Variants in CGAS observed in about 807,000 individuals in gnomAD.
CGAS encodes 2'3'-cGAMP synthase.
Under a neutral mutation model 34.0 loss-of-function variants are expected in CGAS, and 31 were observed. The observed-to-expected ratio is 0.91, with a 90% CI of 0.69 to 1.23. The LOEUF (loss-of-function observed/expected upper bound fraction) is 1.23, where lower values mean the gene tolerates loss of function less well. Ranked by LOEUF, CGAS falls within the 50% of genes most tolerant of loss-of-function variation. The pLI is 0.00. For missense variants in CGAS, 597 were observed against 657.6 expected, an observed-to-expected ratio of 0.91 and a Z score of 1.01; for synonymous variants, 266 against 260.0, an observed-to-expected ratio of 1.02 and a Z score of -0.22.
chr6:73,451,466 A>C, intron 1 of CGAS, 59 bp downstream of exon 1: 1 of 1,493,698 alleles, frequency 6.7e-7, no homozygotes, highest in Non-Finnish European at 9.0e-7. Context: ...GAAGGTAGGG[A>C]CTGCGGATTG....
chr6:73,451,585 G>C lies in CGAS; in HGVS notation c.597C>G (p.Cys199Trp), dbSNP rs765184085. 3.9e-5 allele frequency: 63 copies of C among 1,612,818 alleles called. No individual in the cohort carries two copies. The highest frequency in any genetic ancestry group is 5.0e-5 in the Non-Finnish European group (59 of 1,179,578). The change falls in exon 1 of 5, where the codon TGC (cysteine) becomes TGG (tryptophan). Residue 199 changes from cysteine (C) to tryptophan (W), a missense_variant. Transcript: ENST00000370315. ...VVDHLLLRLK[C>W]DSAFRGVGLL... is the part of the protein sequence containing the mutation. ...GCCCGACGCCTCTGAACGCGGAGTC[G>C]CACTTCAGTCTGAGCAGCAGGTGGT...
chr6:73,450,579 G>T (rs1399006845), intron 1 of CGAS, among the ~76,000 whole-genome samples: 1 of 152,132 alleles, frequency 6.6e-6, no homozygotes, highest in Non-Finnish European at 1.5e-5. Context: ...TAATACACAC[G>T]TCGAAGCAAT....
In CGAS at chr6:73,424,614, A is replaced by G. The variant is rs1770054976; in HGVS notation, c.*613T>C. On this transcript the variant is annotated 3_prime_UTR_variant, in exon 5 of 5. Transcript: ENST00000370315. ...AAAGCAAACATGGTAATGTTTTTAG[A>G]TTTCAAATACTACTTTTGCTTCTTA... is the stretch of plus-strand genomic sequence containing the variant. 6.6e-6 allele frequency: 1 copy of G among 152,032 alleles called. No individual in the cohort carries two copies. Among genetic ancestry groups the G allele is most frequent in the African/African-American group, 2.4e-5 (1 of 41,384 alleles). 9.4% of individuals were successfully genotyped at this position (152,032 alleles called of 1,614,324 possible).
chr6:73,447,072 C>T (rs1480529609), intron 1 of CGAS, among the ~76,000 whole-genome samples: 1 of 152,156 alleles, frequency 6.6e-6, no homozygotes, highest in Admixed American at 6.6e-5. Context: ...TAAATGAATA[C>T]ATATTTTAAT....
chr6:73,431,874 C>T (rs1214539533), intron 3 of CGAS, among the ~76,000 whole-genome samples: 1 of 152,168 alleles, frequency 6.6e-6, no homozygotes, highest in East Asian at 1.9e-4. Flanking sequence ...CTCCCTCTAT[C>T]ACCCAGGCTG....
intron 3 of CGAS, among the ~76,000 whole-genome samples, chr6:73,435,681 A>G (rs944644072): frequency 9.2e-5 from 14 of 151,802 alleles, no homozygotes; most frequent in African/African-American, 2.4e-5. Context: ...GCTCATGCCT[A>G]TAATCCCAGC....
chr6:73,440,404 C>G lies in CGAS; in HGVS notation c.919G>C (p.Ala307Pro). The G allele has an allele frequency of 6.2e-7, 1 of 1,614,098 alleles. No individual in the cohort carries two copies. The highest frequency in any genetic ancestry group is 1.1e-5 in the South Asian group (1 of 91,068). The change falls in exon 3 of 5, where the codon GCT (alanine) becomes CCT (proline). Residue 307 changes from alanine (A) to proline (P), a missense_variant. Ala to Pro is a conservative substitution (Grantham distance 27, BLOSUM62 -1). Coordinates refer to ENST00000370315, the MANE Select transcript of CGAS (RefSeq NM_138441.3). The stretch of plus-strand genomic sequence containing the variant: ...TTTTCACTAATAAGAAGTGTTACAG[C>G]AGGGCTCCCTCCTCTTTTCCTCTTC... ...IMKRKRGGSP[A>P]VTLLISEKIS... is the part of the protein sequence containing the mutation.
chr6:73,452,054 G>T lies in CGAS; in HGVS notation c.128C>A (p.Ala43Asp), dbSNP rs752104616. The change falls in exon 1 of 5, where the codon GCC becomes GAC. Residue 43 changes from alanine to aspartate, a missense_variant. Transcript: ENST00000370315. ...GAACTTTCCCGCCTTAGGCAGGGCG[G>T]CCTCGGGGGCAGCCGGAGACTCGGT... ...DPTESPAAPE[A>D]ALPKAGKFGP... is the part of the protein sequence containing the mutation. 77 of 1,522,852 alleles carry T rather than the reference G, an allele frequency of 5.1e-5. No homozygotes were observed. The highest frequency in any genetic ancestry group is 6.7e-5 in the Non-Finnish European group (76 of 1,133,638). 94.3% of individuals were successfully genotyped at this position (1,522,852 alleles called of 1,614,324 possible). A position where few individuals can be genotyped will look rare whatever the true frequency, so the allele number is the denominator to read the frequency against.
intron 3 of CGAS, 88 bp downstream of exon 3, chr6:73,440,121 A>G: frequency 1.7e-6 from 2 of 1,192,984 alleles, no homozygotes; most frequent in East Asian, 2.5e-5. Flanking sequence ...TGACAACAGC[A>G]TTGGTTGGCT....
intron 2 of CGAS, among the ~76,000 whole-genome samples, chr6:73,440,927 A>C (rs1770367992): frequency 6.6e-6 from 1 of 151,800 alleles, no homozygotes; most frequent in South Asian, 2.1e-4. Context: ...ACAAAAAACA[A>C]AAAACACAAT....
chr6:73,437,267 G>A (rs1041081117), intron 3 of CGAS, among the ~76,000 whole-genome samples: 11 of 152,250 alleles, frequency 7.2e-5, no homozygotes, highest in African/African-American at 2.2e-4. Context: ...ATGAACAGAA[G>A]ATGTTTCTCT....
intron 4 of CGAS, among the ~76,000 whole-genome samples, chr6:73,426,349 GATAAA>G (rs146402507): frequency 5.8e-4 from 86 of 148,902 alleles, no homozygotes; most frequent in African/African-American, 1.5e-3. Context: ...GAAATGAAAT[GATAAA>G]ATAAAATAAA....
At chr6:73,444,216 C>A (rs1770430194) in intron 2 of CGAS, among the ~76,000 whole-genome samples, 1 of 152,026 alleles carries the variant, frequency 6.6e-6, no homozygotes, top group African/African-American at 2.4e-5. Flanking sequence ...TCTTGAACTC[C>A]TGACCTCGTG....
rs1032400321 is a variant in CGAS, at chr6:73,428,118, G to C, written c.1217+591C>G. On this transcript the variant is annotated intron_variant, in intron 4 of 4. Transcript: ENST00000370315. Reference sequence around the variant, plus strand: ...ATGCACCTGTAATCTCAGCTACTTGGGGGGCTGAGGTAGGATGATTGCTTG... The same window carrying C: ...ATGCACCTGTAATCTCAGCTACTTGCGGGGCTGAGGTAGGATGATTGCTTG... Among the ~76,000 whole-genome samples, 51 of 151,922 alleles carry C rather than the reference G, an allele frequency of 3.4e-4. 1 individual carries two copies. The highest frequency in any genetic ancestry group is 3.4e-3 in the Middle Eastern group (1 of 294).
At chr6:73,431,490 C>T (rs1770195529) in intron 3 of CGAS, among the ~76,000 whole-genome samples, 3 of 151,854 alleles carry the variant, frequency 2.0e-5, no homozygotes. Context: ...AAAACAACAA[C>T]AACAACAAAA....
rs905739323 is a variant in CGAS at position 73,450,572 on chromosome 6, T to C, written c.657+953A>G. Among the ~76,000 whole-genome samples, 4 of 152,306 alleles carry C rather than the reference T, an allele frequency of 2.6e-5. No individual in the cohort carries two copies. In the East Asian group the frequency reaches 7.7e-4, roughly 29 times the overall value. ...CCCACAAGCAAATGGAGCTGTGTAA[T>C]ACACACGTCGAAGCAATTATACGGA... On this transcript the variant is annotated intron_variant, in intron 1 of 4. Transcript: ENST00000370315.
At chr6:73,438,679 A>C (rs2150813261) in intron 3 of CGAS, among the ~76,000 whole-genome samples, 1 of 142,322 alleles carries the variant, frequency 7.0e-6, no homozygotes, top group Admixed American at 7.5e-5. Context: ...TGGGCAACAA[A>C]GCAAGAATCC....
chr6:73,425,484 C>T lies in CGAS; in HGVS notation c.1312G>A (p.Val438Met). Reference sequence around the variant, plus strand: ...CATACGTGAAAGAAGGCAGTTTTCACATGATAAGAAGAGAATTTATCCAGA... The same window carrying T: ...CATACGTGAAAGAAGGCAGTTTTCATATGATAAGAAGAGAATTTATCCAGA... ...KHLDKFSSYH[V>M]KTAFFHVCTQ... The change falls in exon 5 of 5, where the codon GTG becomes ATG. Residue 438 changes from valine to methionine, a missense_variant. Transcript: ENST00000370315. 1 of 1,613,976 alleles carries T rather than the reference C, an allele frequency of 6.2e-7. No individual in the cohort carries two copies.
At chr6:73,447,113 C>G (rs1770485865) in intron 1 of CGAS, among the ~76,000 whole-genome samples, 1 of 152,216 alleles carries the variant, frequency 6.6e-6, no homozygotes, top group Admixed American at 6.6e-5. Flanking sequence ...AAAAACTGAT[C>G]ATATTTCAAC....
Sources: allele counts gnomAD v4.1 joint callset (sites outside exome capture counted in the v4.1 genomes callset), GRCh38; gene constraint gnomAD v4.1.1; transcripts MANE v1.5; gene names NCBI Gene and HGNC (gene_info 2026-07-23, HGNC 2026-07-21).